Variants in RECQL5 observed in about 807,000 individuals in gnomAD.
The protein encoded by RECQL5 is RecQ like helicase 5.
RECQL5 carries 88 observed loss-of-function variants against 103.4 expected under a neutral mutation model. That is an observed-to-expected ratio of 0.85 (90% confidence interval 0.72 to 1.02). The LOEUF (loss-of-function observed/expected upper bound fraction) is 1.02. RECQL5 is among the 50% of genes least tolerant of loss of function. RECQL5 has a pLI of 0.00. For missense variants in RECQL5, 1,232 were observed against 1,284.3 expected, an observed-to-expected ratio of 0.96 and a Z score of 0.62; for synonymous variants, 552 against 507.9, an observed-to-expected ratio of 1.09 and a Z score of -1.17.
intron 8 of RECQL5, chr17:75,633,436 C>G: frequency 1.6e-6 from 2 of 1,288,982 alleles, no homozygotes; most frequent in Non-Finnish European, 2.0e-6. Context: ...AGTGCGGTCA[C>G]AGCCCCAGCA....
chr17:75,628,522 C>G, intron 17 of RECQL5, 80 bp from the exon 18 acceptor site: 1 of 1,541,008 alleles, frequency 6.5e-7, no homozygotes, highest in Admixed American at 1.8e-5. Context: ...ACTGGGTCCC[C>G]GCACCAGCTG....
chr17:75,666,668 T>C (rs2059788557), intron 1 of RECQL5, 97 bp from the exon 2 acceptor site: 3 of 1,177,904 alleles, frequency 2.5e-6, no homozygotes, highest in African/African-American at 3.1e-5. Context: ...CAATTTGCTA[T>C]ATTACACTTA....
At chr17:75,661,539 A>G in intron 5 of RECQL5, 67 bp downstream of exon 5, 4 of 1,103,900 alleles carry the variant, frequency 3.6e-6, no homozygotes, top group Non-Finnish European at 5.5e-6. Flanking sequence ...AGGATCTGTA[A>G]AGAACAAGAG....
chr17:75,660,869 T>G (rs554156914), intron 6 of RECQL5, 86 bp downstream of exon 6: 1 of 968,812 alleles, frequency 1.0e-6, no homozygotes, highest in Non-Finnish European at 1.7e-6. Flanking sequence ...AAGGAGCACA[T>G]GCACCTGGTC....
chr17:75,653,456 T>A (rs957117722), intron 7 of RECQL5, among the ~76,000 whole-genome samples: 1 of 152,270 alleles, frequency 6.6e-6, no homozygotes, highest in Non-Finnish European at 1.5e-5. Context: ...CACTCTGTTA[T>A]AAGCCTGTCT....
Position 75,627,010 on chromosome 17 carries a change from C to T in RECQL5, c.*412G>A, listed in dbSNP as rs866071786. On this transcript the variant is annotated 3_prime_UTR_variant, in exon 20 of 20. Coordinates refer to ENST00000317905, the MANE Select transcript of RECQL5 (RefSeq NM_004259.7). Reference sequence around the variant, plus strand: ...CCTGGGCAAGGCTGGAAGCTGGCATCGTAATGGATGGGGGAGTGGGTGGAG... The same window carrying T: ...CCTGGGCAAGGCTGGAAGCTGGCATTGTAATGGATGGGGGAGTGGGTGGAG... The T allele has an allele frequency of 8.0e-6, 3 of 372,882 alleles. No homozygotes were observed. Among genetic ancestry groups the T allele is most frequent in the Admixed American group, 3.5e-5 (1 of 28,796 alleles). The allele number at this position is 372,882 out of a possible 1,614,324, so 23.1% of individuals were successfully genotyped here.
chr17:75,640,739 G>A lies in RECQL5; in HGVS notation c.1230-9071C>T, dbSNP rs1484229937. 2.6e-6 allele frequency: 4 copies of A among 1,529,132 alleles called. No homozygotes were observed. The highest frequency in any genetic ancestry group is 1.4e-5 in the African/African-American group (1 of 72,732). 94.7% of individuals were successfully genotyped at this position (1,529,132 alleles called of 1,614,324 possible). On this transcript the variant is annotated intron_variant, in intron 8 of 19. Transcript: ENST00000317905. This position sits in a 1 kb window ranked among gnomAD's most constrained non-coding sequence, Gnocchi z 4.6. Reference sequence around the variant, plus strand: ...GTGGGTTTCTCTGGGAGGAGGGTGGGCATCCTTTCTCTCCCCCAACCTGAG... The same window carrying A: ...GTGGGTTTCTCTGGGAGGAGGGTGGACATCCTTTCTCTCCCCCAACCTGAG...
Position 75,666,316 on chromosome 17 carries a change from C to G in RECQL5, c.130+112G>C, listed in dbSNP as rs905766619. On this transcript the variant is annotated intron_variant, in intron 2 of 19. Transcript: ENST00000317905. ...TTGACAACTCTAAAGATTTCCAAAT[C>G]CAGTTATGGACCAAAGGTGAGGCAG... 7.2e-6 allele frequency: 9 copies of G among 1,245,052 alleles called. No individual in the cohort carries two copies. The Admixed American group carries it at 2.2e-4, about 30-fold the overall frequency. The allele number at this position is 1,245,052 out of a possible 1,614,324, so 77.1% of individuals were successfully genotyped here. A position where few individuals can be genotyped will look rare whatever the true frequency, so the allele number is the denominator to read the frequency against.
At position 75,627,298 on chromosome 17, in the gene RECQL5, C is replaced by T; in HGVS notation, c.*124G>A. The T allele has an allele frequency of 1.2e-6, 1 of 808,566 alleles. No individual in the cohort carries two copies. Among genetic ancestry groups the T allele is most frequent in the Non-Finnish European group, 2.1e-6 (1 of 475,128 alleles). 50.1% of individuals were successfully genotyped at this position (808,566 alleles called of 1,614,324 possible). On this transcript the variant is annotated 3_prime_UTR_variant, in exon 20 of 20. Transcript: ENST00000317905. ...GGGTGTCTGGGGTCATCCCCAAAGC[C>T]AAGTATGGTTGGAAAGGAGAAGGAC...
At position 75,662,596 on chromosome 17, in the gene RECQL5, AGTCTTGAAGAT is replaced by A. The variant is rs765787785; in HGVS notation, c.643_653del (p.Ile215SerfsTer10). ...AGAAGAGGTTGGCCCGGAAGCAGGG[AGTCTTGAAGAT>A]GGCAACTGGTTTCTTCAGGTGCAGG... On this transcript the variant is annotated frameshift_variant, in exon 4 of 20. Coordinates refer to ENST00000317905, the MANE Select transcript of RECQL5 (RefSeq NM_004259.7). LOFTEE classifies it high-confidence loss of function. 1 of 1,614,092 alleles carries A rather than the reference AGTCTTGAAGAT, an allele frequency of 6.2e-7. No homozygotes were observed. Among genetic ancestry groups the A allele is most frequent in the Non-Finnish European group, 8.5e-7 (1 of 1,180,024 alleles).
At position 75,661,640 on chromosome 17, in the gene RECQL5, G is replaced by C; in HGVS notation, c.840C>G (p.Ser280Arg). 1.2e-6 allele frequency: 2 copies of C among 1,614,104 alleles called. No individual in the cohort carries two copies. The highest frequency in any genetic ancestry group is 1.7e-6 in the Non-Finnish European group (2 of 1,180,032). Residue 280 changes from serine to arginine, a missense_variant, in exon 5 of 20, where the codon AGC (serine) becomes AGG (arginine). Transcript: ENST00000317905. ...EACEQLAIEL[S>R]CRGVNAKAYH... ...AAGCCTTGGCGTTCACACCCCTGCA[G>C]CTGAGCTCTATGGCCAGCTGTTCAC... is the stretch of plus-strand genomic sequence containing the variant.
At position 75,651,259 on chromosome 17, in the gene RECQL5, T is replaced by C; in HGVS notation, c.1156A>G (p.Arg386Gly). The C allele has an allele frequency of 6.2e-7, 1 of 1,614,196 alleles. No individual in the cohort carries two copies. Among genetic ancestry groups the C allele is most frequent in the Non-Finnish European group, 8.5e-7 (1 of 1,180,028 alleles). Reference protein sequence around the residue: ...RKEVAKLQEKRGNKASDKATI... With the variant: ...RKEVAKLQEKGGNKASDKATI... ...GCTTTATCAGATGCTTTGTTTCCTCTCTTTTCCTGGGGACAAAAAATGACC... is the reference window on the plus strand; with the variant it reads ...GCTTTATCAGATGCTTTGTTTCCTCCCTTTTCCTGGGGACAAAAAATGACC... The change falls in exon 8 of 20, where the codon AGA becomes GGA. Residue 386 changes from arginine (R) to glycine (G), a missense_variant. By Grantham distance (125) the Arg-to-Gly change is moderately radical. Transcript: ENST00000317905.
rs917922038 is a variant in RECQL5, at chr17:75,631,514, G to A, written c.1384C>T (p.Gln462Ter). Residue 462 changes from glutamine to a stop codon, truncating the protein, a stop_gained, in exon 9 of 20, where the codon CAG becomes TAG. Transcript: ENST00000317905. LOFTEE classifies it high-confidence loss of function. ...AGCTCGGGGTCAAAGCCGTTCCCCT[G>A]GGAGGGCCCGATGCAGGTCTTGCTC... ...SWSKTCIGPS[Q>*]GNGFDPELYE... is the part of the protein sequence containing the mutation. 1 of 1,613,292 alleles carries A rather than the reference G, an allele frequency of 6.2e-7. No homozygotes were observed. The highest frequency in any genetic ancestry group is 8.5e-7 in the Non-Finnish European group (1 of 1,179,986).
At chr17:75,641,794 T>C (rs150288380) in intron 8 of RECQL5, among the ~76,000 whole-genome samples, 504 of 152,282 alleles carry the variant, frequency 3.3e-3, no homozygotes, top group Non-Finnish European at 5.7e-3. Flanking sequence ...GGCCCTAATG[T>C]CACCTGTAAC....
intron 16 of RECQL5, 43 bp downstream of exon 16, chr17:75,628,891 C>T (rs2059155176): frequency 6.3e-7 from 1 of 1,582,582 alleles, no homozygotes; most frequent in Non-Finnish European, 8.5e-7. Flanking sequence ...GGGGATGCTG[C>T]CGTGTAGGTT....
chr17:75,640,858 G>T lies in RECQL5; in HGVS notation c.1230-9190C>A. The T allele has an allele frequency of 6.5e-7, 1 of 1,548,488 alleles. No homozygotes were observed. ...GCACTCACTGCTGCTGCCCTGAGCG[G>T]AGAGGCAGGAAGGTCCAGGTGCAGC... On this transcript the variant is annotated intron_variant, in intron 8 of 19. Transcript: ENST00000317905. The surrounding 1 kb of genome is among the most constrained non-coding windows in gnomAD (Gnocchi z 4.6).
rs371717869 is a variant in RECQL5 at position 75,629,878 on chromosome 17, C to A, written c.1813-36G>T. 155 of 1,568,158 alleles carry A rather than the reference C, an allele frequency of 9.9e-5. No homozygotes were observed. In the African/African-American group the frequency reaches 1.9e-3, roughly 19 times the overall value. ...ATAGGCAGGGAGGCTGTGGCACCCGCCAGCTCCTCCTGACATGCCCCACCT... is the reference window on the plus strand; with the variant it reads ...ATAGGCAGGGAGGCTGTGGCACCCGACAGCTCCTCCTGACATGCCCCACCT... On this transcript the variant is annotated intron_variant, in intron 14 of 19. Transcript: ENST00000317905.
Position 75,663,003 on chromosome 17 carries a change from A to T in RECQL5, c.253-6T>A. The T allele has an allele frequency of 6.3e-7, 1 of 1,579,796 alleles. No individual in the cohort carries two copies. The highest frequency in any genetic ancestry group is 8.6e-7 in the Non-Finnish European group (1 of 1,162,970). On this transcript the variant is annotated splice_polypyrimidine_tract_variant and splice_region_variant and intron_variant, in intron 3 of 19. Coordinates refer to ENST00000317905, the MANE Select transcript of RECQL5 (RefSeq NM_004259.7). Reference sequence around the variant, plus strand: ...AGCAAGTGGTCCACTTGGTCCTAAGAGAAGAGAAAGAGGCTGTAACTGGCC... The same window carrying T: ...AGCAAGTGGTCCACTTGGTCCTAAGTGAAGAGAAAGAGGCTGTAACTGGCC...
At chr17:75,633,041 A>C (rs1357699997) in intron 8 of RECQL5, among the ~76,000 whole-genome samples, 1 of 152,240 alleles carries the variant, frequency 6.6e-6, no homozygotes, top group Non-Finnish European at 1.5e-5. Flanking sequence ...CTTTTAGCTG[A>C]GTGAATGCAG....
Sources: gnomAD v4.1 joint callset for allele counts (sites outside exome capture counted in the v4.1 genomes callset) on GRCh38, gnomAD v4.1.1 for gene constraint, Gnocchi (gnomAD v3.1) non-coding constraint, MANE v1.5 for transcripts, NCBI Gene and HGNC (gene_info 2026-07-23, HGNC 2026-07-21) for gene names.